Variants in NCKAP5 observed in about 807,000 individuals in gnomAD.
NCKAP5 encodes nck-associated protein 5.
A neutral mutation model predicts 167.0 loss-of-function variants in NCKAP5; 92 were observed. That is an observed-to-expected ratio of 0.55 (90% CI 0.47 to 0.66). The LOEUF (loss-of-function observed/expected upper bound fraction) is 0.66, where lower values mean the gene tolerates loss of function less well. Among genes scored for constraint, NCKAP5 ranks in the 30% least tolerant of loss-of-function variants. The probability of loss-of-function intolerance (pLI) is 0.00; values close to 1 mark genes in which losing one functional copy is unlikely to be tolerated. For synonymous variants in NCKAP5, 891 were observed against 877.4 expected (o/e 1.02, Z -0.27); for missense variants, 2,378 against 2,315.0 (o/e 1.03, Z -0.56).
chr2:133,568,688 A>C (rs1278180804), upstream of NCKAP5, among the ~76,000 whole-genome samples: 1 of 152,190 alleles, frequency 6.6e-6, no homozygotes, highest in Non-Finnish European at 1.5e-5. Context: ...TCAGGTCTGA[A>C]AAAGACAGAG....
chr2:132,774,375 G>A (rs1435145431), intron 15 of NCKAP5, among the ~76,000 whole-genome samples: 1 of 152,168 alleles, frequency 6.6e-6, no homozygotes, highest in Non-Finnish European at 1.5e-5. Context: ...TTCCTGGAAT[G>A]TAACTTAAGA....
chr2:133,308,487 T>A (rs1680966791), intron 3 of NCKAP5, among the ~76,000 whole-genome samples: 1 of 152,108 alleles, frequency 6.6e-6, no homozygotes, highest in African/African-American at 2.4e-5. Flanking sequence ...TGATCCATGT[T>A]GTGATTTTAA....
At chr2:133,566,607 G>A (rs547936143) in intron 1 of NCKAP5, among the ~76,000 whole-genome samples, 94 of 152,282 alleles carry the variant, frequency 6.2e-4, no homozygotes, top group African/African-American at 2.2e-3. Flanking sequence ...AACCGCGTGT[G>A]GGTCCCATTT....
At chr2:132,816,462 T>A (rs1488457332) in intron 11 of NCKAP5, among the ~76,000 whole-genome samples, 1 of 152,096 alleles carries the variant, frequency 6.6e-6, no homozygotes, top group African/African-American at 2.4e-5. Context: ...TTCAATGGAT[T>A]TCCTTTCCTT....
At chr2:132,870,186 C>T (rs942622906) in intron 9 of NCKAP5, among the ~76,000 whole-genome samples, 7 of 152,070 alleles carry the variant, frequency 4.6e-5, no homozygotes, top group East Asian at 3.9e-4. Context: ...GGTAACCATT[C>T]GTTATTACTG....
intron 3 of NCKAP5, among the ~76,000 whole-genome samples, chr2:133,368,849 C>T (rs547633213): frequency 3.3e-5 from 5 of 152,304 alleles, no homozygotes; most frequent in South Asian, 2.1e-4. Context: ...TTGCATGACA[C>T]GTATTGCAAA....
chr2:132,881,554 CT>C (rs35545031), intron 8 of NCKAP5, among the ~76,000 whole-genome samples: 5,721 of 126,300 alleles, frequency 0.045, 230 homozygotes, highest in African/African-American at 0.12. Context: ...CCTTACCTTT[CT>C]TTTTTTTTTT....
At chr2:133,561,973 A>G (rs1558787112) in intron 1 of NCKAP5, among the ~76,000 whole-genome samples, 2 of 152,168 alleles carry the variant, frequency 1.3e-5, no homozygotes, top group Non-Finnish European at 2.9e-5. Flanking sequence ...TGTAATCAAA[A>G]CAAAAATAAG....
At chr2:133,354,254 C>CTTT (rs57923596) in intron 3 of NCKAP5, among the ~76,000 whole-genome samples, 3,594 of 142,762 alleles carry the variant, frequency 0.025, 131 homozygotes, top group African/African-American at 0.077. Context: ...GATTAGTTCT[C>CTTT]TTTTTTTTTT....
intron 13 of NCKAP5, among the ~76,000 whole-genome samples, chr2:132,788,986 C>T (rs1283994736): frequency 6.6e-6 from 1 of 152,112 alleles, no homozygotes; most frequent in Non-Finnish European, 1.5e-5. Context: ...ACTGGTACTC[C>T]ATGACCATGA....
chr2:132,813,001 TCAC>T (rs1280750538), intron 11 of NCKAP5, among the ~76,000 whole-genome samples: 1 of 152,174 alleles, frequency 6.6e-6, no homozygotes, highest in Non-Finnish European at 1.5e-5. Context: ...TCTAATGCCA[TCAC>T]CTTGGGGGTT....
At chr2:133,639,532 T>C in the NCKAP5 span, among the ~76,000 whole-genome samples, 2 of 152,206 alleles carry the variant, frequency 1.3e-5, no homozygotes, top group African/African-American at 4.8e-5. Context: ...TATGATTTTA[T>C]TAACTGCAAA....
intron 5 of NCKAP5, among the ~76,000 whole-genome samples, chr2:133,183,169 G>T (rs1239266835): frequency 6.6e-6 from 1 of 151,592 alleles, no homozygotes; most frequent in Non-Finnish European, 1.5e-5. Flanking sequence ...TTTCACTAGA[G>T]AAATCTACAA....
At chr2:133,186,915 C>T (rs1056780834) in intron 5 of NCKAP5, among the ~76,000 whole-genome samples, 1 of 151,632 alleles carries the variant, frequency 6.6e-6, no homozygotes, top group African/African-American at 2.4e-5. Context: ...CTTGGTTTCA[C>T]TCTTTCTTTT....
rs572071728 is a variant in NCKAP5, at chr2:133,290,217, C to CA, written c.143+12819dup. Among the ~76,000 whole-genome samples the CA allele has an allele frequency of 1.5e-4, 23 of 152,174 alleles. No homozygotes were observed. In the South Asian group the frequency reaches 4.6e-3, roughly 30 times the overall value. On this transcript the variant is annotated intron_variant, in intron 4 of 19. Coordinates refer to ENST00000409261, the MANE Select transcript of NCKAP5 (RefSeq NM_207363.3). ...AAAAGTAGCTTGATCTACATGTCTACAATTGTTCTCTAATTTGCTTTATCC... is the reference window on the plus strand; with the variant it reads ...AAAAGTAGCTTGATCTACATGTCTACAAATTGTTCTCTAATTTGCTTTATCC...
chr2:133,352,539 G>A (rs1684434952), intron 3 of NCKAP5, among the ~76,000 whole-genome samples: 1 of 152,226 alleles, frequency 6.6e-6, no homozygotes, highest in South Asian at 2.1e-4. Context: ...CAGGGGAAGA[G>A]GAGAAAGAAT....
chr2:132,729,018 G>A, intron 17 of NCKAP5, 66 bp from the exon 18 acceptor site: 3 of 1,582,358 alleles, frequency 1.9e-6, no homozygotes, highest in Non-Finnish European at 2.6e-6. Flanking sequence ...GTTTAGGGAA[G>A]GAGGTGGGGG....
At chr2:133,037,056 A>C (rs187134374) in intron 6 of NCKAP5, among the ~76,000 whole-genome samples, 4 of 152,188 alleles carry the variant, frequency 2.6e-5, no homozygotes, top group Admixed American at 2.0e-4. Context: ...AATCACATTT[A>C]CAACAGCCAC....
At chr2:133,506,381 T>C (rs1032164989) in intron 3 of NCKAP5, among the ~76,000 whole-genome samples, 5 of 152,252 alleles carry the variant, frequency 3.3e-5, no homozygotes, top group African/African-American at 1.2e-4. Flanking sequence ...GTCAATGTGC[T>C]GGATACACTC....
Sources: gnomAD v4.1 joint callset for allele counts (sites outside exome capture counted in the v4.1 genomes callset) on GRCh38, gnomAD v4.1.1 for gene constraint, MANE v1.5 for transcripts, NCBI Gene and HGNC (gene_info 2026-07-23, HGNC 2026-07-21) for gene names.